Variants in DLGAP2 observed in about 807,000 individuals in gnomAD.
DLGAP2 encodes the protein DLG associated protein 2.
A neutral mutation model predicts 100.3 loss-of-function variants in DLGAP2; 26 were observed. That is an observed-to-expected ratio of 0.26 (90% CI 0.19 to 0.36). The LOEUF is 0.36. DLGAP2 is among the 10% of genes least tolerant of loss of function. The pLI is 1.00. For missense variants in DLGAP2, 1,858 were observed against 1,453.2 expected, an observed-to-expected ratio of 1.28 and a Z score of -4.53; for synonymous variants, 886 against 630.1, an observed-to-expected ratio of 1.41 and a Z score of -6.08.
At chr8:875,691 C>T (rs1029277607) in intron 1 of DLGAP2, among the ~76,000 whole-genome samples, 1 of 152,048 alleles carries the variant, frequency 6.6e-6, no homozygotes, top group Non-Finnish European at 1.5e-5. Flanking sequence ...AGTCTCATAC[C>T]TTTTTTATTT....
At position 898,165 on chromosome 8, in the gene DLGAP2, A is replaced by C. The variant is rs549421731; in HGVS notation, c.19-9747A>C. Among the ~76,000 whole-genome samples the C allele has an allele frequency of 2.0e-5, 3 of 152,300 alleles. No individual in the cohort carries two copies. In the East Asian group the frequency reaches 5.8e-4, roughly 29 times the overall value. On this transcript the variant is annotated intron_variant, in intron 1 of 14. Coordinates refer to ENST00000637795, the MANE Select transcript of DLGAP2 (RefSeq NM_001346810.2). ...CAGGAAAGCGCTCAGTCAGCCGCTG[A>C]GGGCTGTTCTTGTCTGTGACCTGTG...
intron 1 of DLGAP2, among the ~76,000 whole-genome samples, chr8:899,047 C>T (rs1798200411): frequency 6.6e-6 from 1 of 152,240 alleles, no homozygotes; most frequent in Non-Finnish European, 1.5e-5. Context: ...AGTGTGAAGA[C>T]CTCTGACTCA....
chr8:787,610 C>T (rs563197271), intron 1 of DLGAP2, among the ~76,000 whole-genome samples: 23 of 152,318 alleles, frequency 1.5e-4, no homozygotes, highest in African/African-American at 2.4e-4. Flanking sequence ...AAGCTGGCAG[C>T]GCCCGGAGTC....
intron 2 of DLGAP2, among the ~76,000 whole-genome samples, chr8:966,948 C>T (rs1233938347): frequency 6.6e-6 from 1 of 152,248 alleles, no homozygotes; most frequent in African/African-American, 2.4e-5. Flanking sequence ...TCAGATAAAT[C>T]TACTGGCCAT....
At chr8:1,110,000 C>A (rs1804895668) in intron 2 of DLGAP2, among the ~76,000 whole-genome samples, 1 of 105,604 alleles carries the variant, frequency 9.5e-6, no homozygotes, top group Non-Finnish European at 1.8e-5. Context: ...GTGCATGGGT[C>A]TGTGACATGT....
intron 1 of DLGAP2, among the ~76,000 whole-genome samples, chr8:903,613 C>T (rs1445202607): frequency 6.6e-6 from 1 of 152,110 alleles, no homozygotes; most frequent in Admixed American, 6.5e-5. Context: ...TATTCCTCCA[C>T]TCTGTTCATG....
At chr8:1,629,591 A>C (rs1346258456) in intron 7 of DLGAP2, among the ~76,000 whole-genome samples, 1 of 152,242 alleles carries the variant, frequency 6.6e-6, no homozygotes, top group East Asian at 1.9e-4. Context: ...CATTTTAACA[A>C]CTTGCTCCAT....
chr8:1,295,824 C>A (rs1053670294), intron 3 of DLGAP2, among the ~76,000 whole-genome samples: 6 of 152,158 alleles, frequency 3.9e-5, no homozygotes, highest in Non-Finnish European at 7.3e-5. Context: ...CTGTTTTGCT[C>A]ACAGCAGAAG....
At chr8:987,882 C>G (rs1267284648) in intron 2 of DLGAP2, among the ~76,000 whole-genome samples, 1 of 152,118 alleles carries the variant, frequency 6.6e-6, no homozygotes, top group Non-Finnish European at 1.5e-5. Context: ...TCCAACTCAC[C>G]TAGGATTCTA....
intron 1 of DLGAP2, among the ~76,000 whole-genome samples, chr8:851,383 G>A (rs1797180384): frequency 6.6e-6 from 1 of 152,206 alleles, no homozygotes; most frequent in Non-Finnish European, 1.5e-5. Flanking sequence ...TATCACGTCA[G>A]TGTTGTGTTA....
chr8:841,787 C>T (rs1029013360), intron 1 of DLGAP2, among the ~76,000 whole-genome samples: 2 of 152,166 alleles, frequency 1.3e-5, no homozygotes, highest in Non-Finnish European at 1.5e-5. Flanking sequence ...TGAATTAATA[C>T]TGATACTTCC....
chr8:1,626,017 C>G (rs76712553), intron 6 of DLGAP2, among the ~76,000 whole-genome samples: 6,853 of 109,606 alleles, frequency 0.063, 277 homozygotes, highest in Middle Eastern at 0.15. Flanking sequence ...CCCATCTCTA[C>G]CCTGTGGCGG....
intron 1 of DLGAP2, among the ~76,000 whole-genome samples, chr8:878,713 G>C (rs1797728811): frequency 6.6e-6 from 1 of 152,126 alleles, no homozygotes. Flanking sequence ...TCCTGGGAAT[G>C]GGTTGCTTTC....
At chr8:1,328,917 T>C (rs1366071553) in intron 3 of DLGAP2, among the ~76,000 whole-genome samples, 4 of 152,184 alleles carry the variant, frequency 2.6e-5, no homozygotes, top group Admixed American at 6.5e-5. Context: ...CATGAAATAA[T>C]GAAGGGTCTG....
intron 2 of DLGAP2, among the ~76,000 whole-genome samples, chr8:1,062,993 G>A (rs536406311): frequency 6.6e-6 from 1 of 152,296 alleles, no homozygotes; most frequent in East Asian, 1.9e-4. Context: ...ACTCCTTTGG[G>A]AATGAGTAAA....
At chr8:777,931 A>G (rs1821572218) in intron 1 of DLGAP2, among the ~76,000 whole-genome samples, 1 of 152,096 alleles carries the variant, frequency 6.6e-6, no homozygotes, top group African/African-American at 2.4e-5. Context: ...CCTGAGTAAT[A>G]TCCTGCAGAG....
At chr8:754,637 G>T (rs1361929467) in intron 1 of DLGAP2, among the ~76,000 whole-genome samples, 1 of 152,180 alleles carries the variant, frequency 6.6e-6, no homozygotes, top group East Asian at 1.9e-4. Flanking sequence ...GAAGATTGAG[G>T]TCAGGAGTTT....
intron 4 of DLGAP2, among the ~76,000 whole-genome samples, chr8:1,525,245 C>A (rs114180263): frequency 0.012 from 1,723 of 140,598 alleles, 37 homozygotes; most frequent in African/African-American, 0.044. Flanking sequence ...TTTTGGGGAG[C>A]AAACTTACCT....
intron 12 of DLGAP2, among the ~76,000 whole-genome samples, chr8:1,686,709 A>G (rs1014055325): frequency 7.2e-5 from 11 of 152,174 alleles, no homozygotes; most frequent in Non-Finnish European, 1.3e-4. Context: ...GGTGGAGAGT[A>G]GATTGGTGGT....
Sources: gnomAD v4.1 joint callset for allele counts (sites outside exome capture counted in the v4.1 genomes callset) on GRCh38, gnomAD v4.1.1 for gene constraint, MANE v1.5 for transcripts, NCBI Gene and HGNC (gene_info 2026-07-23, HGNC 2026-07-21) for gene names.